GCN1: variants seen among roughly 807,000 people sequenced by gnomAD.
The protein encoded by GCN1 is GCN1 activator of EIF2AK4.
GCN1 carries 90 observed loss-of-function variants against 288.4 expected under a neutral mutation model. The observed-to-expected ratio is 0.31, with a 90% CI of 0.26 to 0.37. The LOEUF is 0.37. Ranked by LOEUF, GCN1 falls within the 10% of genes least tolerant of loss-of-function variation. GCN1 has a pLI of 1.00. For missense variants in GCN1, 2,586 were observed against 3,419.9 expected (o/e 0.76, Z 6.08); for synonymous variants, 1,386 against 1,420.2 (o/e 0.98, Z 0.54).
intron 13 of GCN1, 98 bp from the exon 14 acceptor site, chr12:120,173,924 G>A: frequency 8.9e-7 from 1 of 1,118,800 alleles, no homozygotes; most frequent in East Asian, 2.4e-5. Flanking sequence ...CAAGCGGGAG[G>A]AAGCAGTGAT....
Position 120,179,062 on chromosome 12 carries a change from C to A in GCN1, c.427-112G>T, listed in dbSNP as rs71454628. 1.4e-5 allele frequency: 11 copies of A among 812,540 alleles called. No individual in the cohort carries two copies. In the South Asian group the frequency reaches 1.6e-4, roughly 12 times the overall value. 50.3% of individuals were successfully genotyped at this position (812,540 alleles called of 1,614,324 possible). On this transcript the variant is annotated intron_variant, in intron 5 of 57. Transcript: ENST00000300648. The stretch of plus-strand genomic sequence containing the variant: ...GACCCTCCAAATCCTGGCTTCATCT[C>A]CACTCAGCCTCTCCCACTCAACTCC...
chr12:120,193,364 G>A (rs1879068235), intron 1 of GCN1, among the ~76,000 whole-genome samples: 1 of 151,942 alleles, frequency 6.6e-6, no homozygotes. Context: ...GGAGCGCAGT[G>A]GTGCGATCTC....
chr12:120,190,488 A>C (rs1318247046), intron 1 of GCN1, 88 bp from the exon 2 acceptor site: 1 of 787,468 alleles, frequency 1.3e-6, no homozygotes, highest in Non-Finnish European at 2.3e-6. Flanking sequence ...GAATTTGGGG[A>C]TCTCTCTAAC....
chr12:120,185,445 T>A (rs1878790571), intron 2 of GCN1, among the ~76,000 whole-genome samples: 1 of 152,180 alleles, frequency 6.6e-6, no homozygotes, highest in Admixed American at 6.5e-5. Flanking sequence ...AGTGCAGGGT[T>A]AAGAAGGCAT....
chr12:120,145,067 A>AG lies in GCN1; in HGVS notation c.5017-7dup, dbSNP rs370267728. On this transcript the variant is annotated splice_polypyrimidine_tract_variant and splice_region_variant and intron_variant, in intron 39 of 57. Transcript: ENST00000300648. ...TTTGCAGATACGGTCCGCACCTGTC[A>AG]GGTAACCGAGAGCAGAGATGGTGTG... is the stretch of plus-strand genomic sequence containing the variant. 2.5e-6 allele frequency: 4 copies of AG among 1,613,870 alleles called. No individual in the cohort carries two copies. In the African/African-American group the frequency reaches 5.3e-5, roughly 22 times the overall value.
intron 15 of GCN1, among the ~76,000 whole-genome samples, chr12:120,169,122 T>G (rs1428101067): frequency 6.6e-6 from 1 of 152,038 alleles, no homozygotes; most frequent in African/African-American, 2.4e-5. Flanking sequence ...GATGAAACCC[T>G]GTCTCTACTA....
chr12:120,138,455 C>G, intron 46 of GCN1, 40 bp from the exon 47 acceptor site: 1 of 1,283,932 alleles, frequency 7.8e-7, no homozygotes, highest in Non-Finnish European at 1.1e-6. Flanking sequence ...GAATCTGCAT[C>G]TCTGCTGTCT....
Position 120,155,142 on chromosome 12 carries a change from G to GT in GCN1, c.3630+98dup. On this transcript the variant is annotated intron_variant, in intron 30 of 57. Transcript: ENST00000300648. This position sits in a 1 kb window ranked among gnomAD's most constrained non-coding sequence, Gnocchi z 4.9. ...CTAGCCGCAGCTACCCTGAGCCACC[G>GT]TGAGCCCCGAGATTCCTGTCTGGAG... 3.3e-6 allele frequency: 5 copies of GT among 1,520,150 alleles called. No homozygotes were observed. In the South Asian group the frequency reaches 4.5e-5, roughly 14 times the overall value. The allele number at this position is 1,520,150 out of a possible 1,614,324, so 94.2% of individuals were successfully genotyped here.
At chr12:120,179,536 A>G in intron 5 of GCN1, among the ~76,000 whole-genome samples, 1 of 151,832 alleles carries the variant, frequency 6.6e-6, no homozygotes, top group Non-Finnish European at 1.5e-5. Flanking sequence ...AGTAGCTAGG[A>G]CTACAGGTGT....
chr12:120,167,969 A>G (rs1270243220), intron 16 of GCN1, among the ~76,000 whole-genome samples: 1 of 151,888 alleles, frequency 6.6e-6, no homozygotes, highest in African/African-American at 2.4e-5. Context: ...ATTACAGCTC[A>G]TGTCGTAGCT....
In GCN1 at chr12:120,155,465, A is replaced by G; in HGVS notation, c.3441-35T>C. On this transcript the variant is annotated intron_variant, in intron 29 of 57. Transcript: ENST00000300648. The surrounding 1 kb of genome is among the most constrained non-coding windows in gnomAD (Gnocchi z 4.9). ...ATCCAAGGCAGGGGCTGCTTAGACA[A>G]AGATCTGCAGCACTTGCCCTGCCAG... 2 of 1,606,990 alleles carry G rather than the reference A, an allele frequency of 1.2e-6. No individual in the cohort carries two copies. Among genetic ancestry groups the G allele is most frequent in the Non-Finnish European group, 1.7e-6 (2 of 1,174,794 alleles).
rs772357141 is a variant in GCN1 at position 120,138,825 on chromosome 12, G to A, written c.6026C>T (p.Thr2009Met). 3.1e-6 allele frequency: 5 copies of A among 1,613,430 alleles called. No individual in the cohort carries two copies. The highest frequency in any genetic ancestry group is 3.4e-6 in the Non-Finnish European group (4 of 1,179,472). ...TGGGTCACACAAAGCCTTCCTTGCC[G>A]TGGGCACGAGGGATTCAGAGAAATA... is the stretch of plus-strand genomic sequence containing the variant. ...VLYFSESLVP[T>M]ARKALCDPLE... The change falls in exon 46 of 58, where the codon ACG becomes ATG. Residue 2009 changes from threonine (T) to methionine (M), a missense_variant. By Grantham distance (81) the Thr-to-Met change is moderately conservative. Transcript: ENST00000300648.
chr12:120,153,992 G>A lies in GCN1; in HGVS notation c.3702-83C>T. On this transcript the variant is annotated intron_variant, in intron 31 of 57. Coordinates refer to ENST00000300648, the MANE Select transcript of GCN1 (RefSeq NM_006836.2). The surrounding 1 kb of genome is among the most constrained non-coding windows in gnomAD (Gnocchi z 4.4). ...GGAACCTCTGCTGGTGCACGGCAAGGAGAGGGAGCTTGCCTGAGGCAAACA... is the reference window on the plus strand; with the variant it reads ...GGAACCTCTGCTGGTGCACGGCAAGAAGAGGGAGCTTGCCTGAGGCAAACA... The A allele has an allele frequency of 2.5e-6, 3 of 1,219,974 alleles. No individual in the cohort carries two copies. Among genetic ancestry groups the A allele is most frequent in the Non-Finnish European group, 3.5e-6 (3 of 860,676 alleles). 75.6% of individuals were successfully genotyped at this position (1,219,974 alleles called of 1,614,324 possible). A position where few individuals can be genotyped will look rare whatever the true frequency, so the allele number is the denominator to read the frequency against.
chr12:120,179,022 T>A, intron 5 of GCN1, 72 bp from the exon 6 acceptor site: 1 of 1,261,402 alleles, frequency 7.9e-7, no homozygotes, highest in Non-Finnish European at 1.1e-6. Flanking sequence ...TCATAGCCTG[T>A]AAAGACCTCC....
chr12:120,160,310 C>A, intron 22 of GCN1, 55 bp from the exon 23 acceptor site: 1 of 1,214,592 alleles, frequency 8.2e-7, no homozygotes, highest in Non-Finnish European at 1.2e-6. Flanking sequence ...GACCTCCCTC[C>A]CCAACAGAGG....
In GCN1 at chr12:120,163,153, C is replaced by T. The variant is rs1877985816; in HGVS notation, c.1955G>A (p.Gly652Asp). 6.2e-7 allele frequency: 1 copy of T among 1,614,118 alleles called. No homozygotes were observed. Among genetic ancestry groups the T allele is most frequent in the African/African-American group, 1.3e-5 (1 of 74,950 alleles). ...VLQEALCVIS[G>D]VPGLKGDVTD... ...GACATCACCCTTGAGCCCTGGCACA[C>T]CGGAGATGACACACAGAGCCTCCTG... Residue 652 changes from glycine to aspartate, a missense_variant, in exon 19 of 58, where the codon GGT becomes GAT. By Grantham distance (94) the Gly-to-Asp change is moderately conservative (BLOSUM62 -1). Coordinates refer to ENST00000300648, the MANE Select transcript of GCN1 (RefSeq NM_006836.2).
In GCN1 at chr12:120,137,636, C is replaced by T. The variant is rs781685266; in HGVS notation, c.6572G>A (p.Arg2191Gln). 39 of 1,614,058 alleles carry T rather than the reference C, an allele frequency of 2.4e-5. No homozygotes were observed. Among genetic ancestry groups the T allele is most frequent in the African/African-American group, 4.0e-5 (3 of 74,942 alleles). Residue 2191 changes from arginine (R) to glutamine (Q), a missense_variant, in exon 49 of 58, where the codon CGG becomes CAG. Physicochemically the swap from Arg to Gln is conservative, Grantham distance 43. Transcript: ENST00000300648. The surrounding 1 kb of genome is among the most constrained non-coding windows in gnomAD (Gnocchi z 5.2). ...RSKADYTSHL[R>Q]SLVSGLIRLF... ...GCGGATCAGGCCCGAGACCAGGCTC[C>T]GCAGGTGGCTGGTGTAGTCAGCCTT...
chr12:120,175,041 C>A (rs1015934052), intron 12 of GCN1, 121 bp downstream of exon 12: 9 of 750,756 alleles, frequency 1.2e-5, no homozygotes, highest in Non-Finnish European at 1.9e-5. Context: ...GCATGAGGAT[C>A]GCTTGAACCT....
In GCN1 at chr12:120,192,997, T is replaced by C. The variant is rs186314681; in HGVS notation, c.18+1683A>G. Among the ~76,000 whole-genome samples, 12 of 150,950 alleles carry C rather than the reference T, an allele frequency of 7.9e-5. No homozygotes were observed. In the South Asian group the frequency reaches 1.0e-3, roughly 13 times the overall value. On this transcript the variant is annotated intron_variant, in intron 1 of 57. Transcript: ENST00000300648. ...GTTGCAGTGAGTTCAGATCGTGCCA[T>C]TGCACTCCAGCCTGGGCAACAAGAG...
Sources: gnomAD v4.1 joint callset for allele counts (sites outside exome capture counted in the v4.1 genomes callset) on GRCh38, gnomAD v4.1.1 for gene constraint, Gnocchi (gnomAD v3.1) non-coding constraint, MANE v1.5 for transcripts, NCBI Gene and HGNC (gene_info 2026-07-23, HGNC 2026-07-21) for gene names.